NKAIN1: variants seen among roughly 807,000 people sequenced by gnomAD.
The protein encoded by NKAIN1 is sodium/potassium-transporting ATPase subunit beta-1-interacting protein 1.
NKAIN1 carries 13 observed loss-of-function variants against 31.6 expected under a neutral mutation model. The ratio of observed to expected loss-of-function variants is 0.41; its 90% CI spans 0.27 to 0.65. NKAIN1 has a LOEUF of 0.65. NKAIN1 is among the 30% of genes least tolerant of loss of function. The probability of loss-of-function intolerance (pLI) is 0.30; values close to 1 mark genes in which losing one functional copy is unlikely to be tolerated. For synonymous variants in NKAIN1, 104 were observed against 109.0 expected (o/e 0.95, Z 0.28); for missense variants, 193 against 262.2 (o/e 0.74, Z 1.82).
intron 1 of NKAIN1, among the ~76,000 whole-genome samples, chr1:31,220,174 AT>A (rs552267355): frequency 0.53 from 66,161 of 124,902 alleles, 20,607 homozygotes; most frequent in Middle Eastern, 0.76. Flanking sequence ...CGCCCAGCTA[AT>A]TTTTTTTTTT....
chr1:31,225,212 G>C (rs1268731696), intron 1 of NKAIN1, among the ~76,000 whole-genome samples: 14 of 150,696 alleles, frequency 9.3e-5, no homozygotes, highest in Admixed American at 9.3e-4. Flanking sequence ...ATTTTTAGTA[G>C]AGATGGGGTT....
intron 1 of NKAIN1, among the ~76,000 whole-genome samples, chr1:31,201,353 C>T (rs1177286322): frequency 5.7e-5 from 8 of 140,348 alleles, no homozygotes; most frequent in East Asian, 2.1e-4. Context: ...CCTTTTAATC[C>T]TACCCTATTT....
At chr1:31,237,532 C>T (rs1229871778) in intron 1 of NKAIN1, among the ~76,000 whole-genome samples, 1 of 150,552 alleles carries the variant, frequency 6.6e-6, no homozygotes, top group African/African-American at 2.4e-5. Context: ...CACAGTTTCA[C>T]TCTGTCGTCC....
chr1:31,215,958 C>T (rs991768027), intron 1 of NKAIN1, among the ~76,000 whole-genome samples: 4 of 152,146 alleles, frequency 2.6e-5, no homozygotes, highest in Non-Finnish European at 5.9e-5. Flanking sequence ...TGGGCCACTG[C>T]CCCCTCGTTC....
intron 1 of NKAIN1, among the ~76,000 whole-genome samples, chr1:31,188,612 G>A (rs1378115065): frequency 6.6e-6 from 1 of 152,128 alleles, no homozygotes; most frequent in African/African-American, 2.4e-5. Context: ...TACAGAGAAG[G>A]AATGCTTTTC....
At chr1:31,215,825 A>G (rs1413781340) in intron 1 of NKAIN1, among the ~76,000 whole-genome samples, 1 of 152,216 alleles carries the variant, frequency 6.6e-6, no homozygotes. Context: ...GTTTCTCTTC[A>G]GAATACCTGG....
chr1:31,223,617 T>C (rs913393178), intron 1 of NKAIN1, among the ~76,000 whole-genome samples: 2 of 152,060 alleles, frequency 1.3e-5, no homozygotes, highest in African/African-American at 4.8e-5. Flanking sequence ...GCTAATGTTT[T>C]GTATTTTTAG....
chr1:31,201,669 C>A (rs1173769325), intron 1 of NKAIN1, among the ~76,000 whole-genome samples: 1 of 152,090 alleles, frequency 6.6e-6, no homozygotes. Context: ...CCAATCCTAC[C>A]CCTTTTTATA....
chr1:31,198,824 A>G (rs1420223032), intron 1 of NKAIN1, among the ~76,000 whole-genome samples: 1 of 147,954 alleles, frequency 6.8e-6, no homozygotes, highest in African/African-American at 2.5e-5. Context: ...CTCTGTTCTC[A>G]GTAGGATGCT....
chr1:31,193,066 T>A (rs904332483), intron 1 of NKAIN1, among the ~76,000 whole-genome samples: 1 of 150,540 alleles, frequency 6.6e-6, no homozygotes, highest in Non-Finnish European at 1.5e-5. Context: ...ATTATTTATT[T>A]TTTTATTTTT....
chr1:31,210,652 C>T (rs1486445141), intron 1 of NKAIN1, among the ~76,000 whole-genome samples: 1 of 152,130 alleles, frequency 6.6e-6, no homozygotes, highest in Non-Finnish European at 1.5e-5. Context: ...GTAGGTCACT[C>T]AACACAGCTG....
intron 1 of NKAIN1, among the ~76,000 whole-genome samples, chr1:31,209,339 C>T (rs1354781897): frequency 6.6e-6 from 1 of 152,106 alleles, no homozygotes; most frequent in Non-Finnish European, 1.5e-5. Context: ...TGCGCCACTG[C>T]ACTCCAGCCT....
At chr1:31,226,697 T>A (rs1557662556) in intron 1 of NKAIN1, among the ~76,000 whole-genome samples, 3 of 151,080 alleles carry the variant, frequency 2.0e-5, no homozygotes, top group Admixed American at 6.6e-5. Context: ...GCTAATTTTG[T>A]ATATTTAGTA....
At chr1:31,232,424 T>TATATATATATATATATATATAGAG (rs1313157898) in intron 1 of NKAIN1, among the ~76,000 whole-genome samples, 1 of 16,924 alleles carries the variant, frequency 5.9e-5, no homozygotes, top group Non-Finnish European at 1.1e-4. Context: ...TATATATATA[T>TATATATATATATATATATATAGAG]AGAGAGAGAG....
chr1:31,180,872 T>C lies in NKAIN1; in HGVS notation c.*831A>G, dbSNP rs543673767. The C allele has an allele frequency of 9.2e-5, 14 of 152,316 alleles. No individual in the cohort carries two copies. Among genetic ancestry groups the C allele is most frequent in the Admixed American group, 3.3e-4 (5 of 15,278 alleles). The allele number at this position is 152,316 out of a possible 1,614,324, so 9.4% of individuals were successfully genotyped here. A position where few individuals can be genotyped will look rare whatever the true frequency, so the allele number is the denominator to read the frequency against. Reference sequence around the variant, plus strand: ...TGGGTATATTGCTTTAAGAGAGGCATTGGCAAGTGGTGGTGGTGGTGTGTG... The same window carrying C: ...TGGGTATATTGCTTTAAGAGAGGCACTGGCAAGTGGTGGTGGTGGTGTGTG... On this transcript the variant is annotated 3_prime_UTR_variant, in exon 7 of 7. Coordinates refer to ENST00000373736, the MANE Select transcript of NKAIN1 (RefSeq NM_024522.3).
chr1:31,217,206 C>G (rs995997528), intron 1 of NKAIN1, among the ~76,000 whole-genome samples: 12 of 151,958 alleles, frequency 7.9e-5, no homozygotes, highest in Non-Finnish European at 1.3e-4. Flanking sequence ...AGTCTGTTGC[C>G]CAGGTTGGAG....
intron 1 of NKAIN1, among the ~76,000 whole-genome samples, chr1:31,220,492 C>T (rs1344690443): frequency 2.0e-5 from 3 of 151,960 alleles, no homozygotes; most frequent in Non-Finnish European, 4.4e-5. Flanking sequence ...CGGTGGCTCA[C>T]GCCTATAATC....
At chr1:31,199,434 A>G (rs1262145564) in intron 1 of NKAIN1, among the ~76,000 whole-genome samples, 1 of 152,112 alleles carries the variant, frequency 6.6e-6, no homozygotes, top group South Asian at 2.1e-4. Flanking sequence ...CCTTTTCCCA[A>G]TGGATTTCTG....
At chr1:31,205,620 T>TC (rs1292528570) in intron 1 of NKAIN1, among the ~76,000 whole-genome samples, 2 of 142,996 alleles carry the variant, frequency 1.4e-5, no homozygotes. Context: ...CAAGTTTTTT[T>TC]TTTTTTTTTT....
Sources: gnomAD v4.1 joint callset for allele counts (sites outside exome capture counted in the v4.1 genomes callset) on GRCh38, gnomAD v4.1.1 for gene constraint, MANE v1.5 for transcripts, NCBI Gene and HGNC (gene_info 2026-07-23, HGNC 2026-07-21) for gene names.